The following BMX variants were observed in gnomAD, a reference collection of about 807,000 sequenced individuals.
The protein encoded by BMX is cytoplasmic tyrosine-protein kinase BMX.
Under a neutral mutation model 59.2 loss-of-function variants are expected in BMX, and 31 were observed. The observed-to-expected ratio is 0.52, with a 90% CI of 0.39 to 0.71. The LOEUF (loss-of-function observed/expected upper bound fraction) is 0.71. Ranked by LOEUF, BMX falls within the 30% of genes least tolerant of loss-of-function variation. The pLI is 0.00. For synonymous variants in BMX, 185 were observed against 181.0 expected (o/e 1.02, Z -0.18); for missense variants, 474 against 491.7 (o/e 0.96, Z 0.34).
chrX:15,523,341 C>T (rs1288120280), intron 7 of BMX, among the ~76,000 whole-genome samples: 1 of 112,165 alleles, frequency 8.9e-6, no homozygotes, highest in African/African-American at 3.2e-5. Context: ...GGATACAGAG[C>T]ATCTCTCTGA....
chrX:15,522,402 C>T lies in BMX; in HGVS notation c.567C>T (p.Thr189=), dbSNP rs1408960562. ...AAATGGATGCACCATCTTCAAGTAC[C>T]ACTCTAGCCCAATATGACAACGAAT... ...VLKMDAPSSS[T]TLAQYDNESK... Residue 189 remains threonine, a synonymous_variant, in exon 7 of 19, where the codon ACC becomes ACT. Transcript: ENST00000348343. 1.7e-6 allele frequency: 2 copies of T among 1,210,407 alleles called. No homozygotes were observed. Among genetic ancestry groups the T allele is most frequent in the African/African-American group, 1.7e-5 (1 of 57,345 alleles).
intron 14 of BMX, 139 bp downstream of exon 14, chrX:15,537,444 A>G (rs2147131827): frequency 1.6e-6 from 1 of 641,549 alleles, no homozygotes; most frequent in East Asian, 3.9e-5. Flanking sequence ...AGAAGTTATA[A>G]ATTGAACTAA....
chrX:15,517,336 T>C (rs1924207956), intron 5 of BMX, among the ~76,000 whole-genome samples: 1 of 112,213 alleles, frequency 8.9e-6, no homozygotes, highest in South Asian at 3.7e-4. Context: ...CTTATGGTAT[T>C]AATCATTTTC....
chrX:15,520,758 G>T (rs1924406505), intron 6 of BMX, among the ~76,000 whole-genome samples: 1 of 110,880 alleles, frequency 9.0e-6, no homozygotes, highest in African/African-American at 3.3e-5. Flanking sequence ...ATTCAGTAGA[G>T]GGCTTATTTT....
chrX:15,512,131 A>C (rs1923984045), intron 4 of BMX, among the ~76,000 whole-genome samples: 1 of 111,922 alleles, frequency 8.9e-6, no homozygotes, highest in African/African-American at 3.3e-5. Context: ...TGTAAATGCT[A>C]GGCAAAACTG....
rs149292540 is a variant in BMX, at chrX:15,539,899, G to C, written c.1395-2083G>C. Among the ~76,000 whole-genome samples the C allele has an allele frequency of 6.7e-3, 756 of 112,301 alleles. 8 individuals are homozygous for C. The highest frequency in any genetic ancestry group is 0.021 in the African/African-American group (663 of 30,894). On this transcript the variant is annotated intron_variant, in intron 14 of 18. Transcript: ENST00000348343. ...GTGAGATACCATTTCACGCCATTTA[G>C]AATGGCAATCATTAAAAAGCCAGGA...
Position 15,508,483 on chromosome X carries a change from G to T in BMX, c.130G>T (p.Asp44Tyr). Residue 44 changes from aspartate to tyrosine, a missense_variant, in exon 2 of 19, where the codon GAC becomes TAC. Coordinates refer to ENST00000348343, the MANE Select transcript of BMX (RefSeq NM_203281.3). ...TKTNLSYYEY[D>Y]KMKRGSRKGS... is the part of the protein sequence containing the mutation. ...AACAAACCTTTCCTACTATGAATAT[G>T]ACAAAATGGTGAGACATCATGTGTT... 1.7e-6 allele frequency: 2 copies of T among 1,174,500 alleles called. No individual in the cohort carries two copies. The highest frequency in any genetic ancestry group is 2.3e-6 in the Non-Finnish European group (2 of 879,480).
At chrX:15,534,441 T>G in intron 12 of BMX, 102 bp downstream of exon 12, 1 of 820,452 alleles carries the variant, frequency 1.2e-6, no homozygotes, top group Non-Finnish European at 1.6e-6. Flanking sequence ...TAGGGAACCA[T>G]GAAAGTAGGA....
chrX:15,530,288 T>C (rs748802825), intron 10 of BMX, among the ~76,000 whole-genome samples: 8 of 111,704 alleles, frequency 7.2e-5, no homozygotes, highest in Admixed American at 3.8e-4. Context: ...ATTCTGTGAG[T>C]CAGCTGGGCC....
At chrX:15,503,416 T>A (rs966833610) in intron 1 of BMX, among the ~76,000 whole-genome samples, 1 of 112,472 alleles carries the variant, frequency 8.9e-6, no homozygotes, top group Admixed American at 9.4e-5. Flanking sequence ...TTCACCAAAC[T>A]ATGTCCCTTA....
intron 11 of BMX, among the ~76,000 whole-genome samples, chrX:15,532,131 G>T (rs187304658): frequency 3.1e-4 from 35 of 111,249 alleles, no homozygotes; most frequent in Admixed American, 3.1e-3. Context: ...CACATAGTAA[G>T]CACTTAATAA....
chrX:15,529,953 T>C lies in BMX; in HGVS notation c.885-20T>C, dbSNP rs530291549. 1.3e-4 allele frequency: 155 copies of C among 1,194,831 alleles called. 1 individual carries two copies. In the South Asian group the frequency reaches 2.7e-3, roughly 21 times the overall value. ...TCTAAAACTTATTGATTCTCACATA[T>C]AATTTTTTTCCTTTTGCAGCTGGTT... On this transcript the variant is annotated intron_variant, in intron 9 of 18. Coordinates refer to ENST00000348343, the MANE Select transcript of BMX (RefSeq NM_203281.3).
intron 1 of BMX, among the ~76,000 whole-genome samples, chrX:15,507,995 T>C (rs569119405): frequency 1.9e-4 from 21 of 111,953 alleles, no homozygotes; most frequent in East Asian, 2.8e-4. Flanking sequence ...AGTTTTATTA[T>C]ATCCAATTCA....
intron 14 of BMX, 47 bp downstream of exon 14, chrX:15,537,352 G>A (rs189345157): frequency 3.6e-5 from 42 of 1,182,462 alleles, no homozygotes; most frequent in Non-Finnish European, 4.6e-5. Context: ...TCATGGGAGG[G>A]CATTAGCACT....
chrX:15,527,316 G>A (rs1323680853), intron 9 of BMX, among the ~76,000 whole-genome samples: 1 of 81,491 alleles, frequency 1.2e-5, no homozygotes, highest in Non-Finnish European at 2.3e-5. Flanking sequence ...ATATATACCT[G>A]CTATGTACTC....
chrX:15,545,449 C>G (rs913084233), intron 16 of BMX, among the ~76,000 whole-genome samples: 4 of 112,577 alleles, frequency 3.6e-5, no homozygotes, highest in Non-Finnish European at 5.6e-5. Context: ...TGAGCAGTAG[C>G]CTGCCAGCAC....
intron 6 of BMX, among the ~76,000 whole-genome samples, chrX:15,520,037 G>T (rs1314988199): frequency 1.8e-5 from 2 of 111,964 alleles, no homozygotes; most frequent in Non-Finnish European, 3.8e-5. Flanking sequence ...GGAACCACCA[G>T]AAGCTGGAAG....
chrX:15,544,138 G>A (rs1186725847), intron 16 of BMX, among the ~76,000 whole-genome samples: 3 of 111,346 alleles, frequency 2.7e-5, no homozygotes, highest in African/African-American at 6.5e-5. Flanking sequence ...AAAGAGATCT[G>A]AAGAGTTGAC....
At chrX:15,536,797 A>T (rs755277588) in intron 13 of BMX, among the ~76,000 whole-genome samples, 2 of 111,058 alleles carry the variant, frequency 1.8e-5, no homozygotes, top group South Asian at 7.6e-4. Flanking sequence ...TTTTTTTATT[A>T]AAAAAATCTG....
Sources: gnomAD v4.1 joint callset for allele counts (sites outside exome capture counted in the v4.1 genomes callset) on GRCh38, gnomAD v4.1.1 for gene constraint, MANE v1.5 for transcripts, NCBI Gene and HGNC (gene_info 2026-07-23, HGNC 2026-07-21) for gene names.